The following RASA2 variants were observed in gnomAD, a reference collection of about 807,000 sequenced individuals.
RASA2 encodes the protein RAS p21 protein activator 2, also known as ras GTPase-activating protein 2.
Under a neutral mutation model 118.2 loss-of-function variants are expected in RASA2, and 155 were observed. The ratio of observed to expected loss-of-function variants is 1.31; its 90% CI spans 1.15 to 1.50. The LOEUF (loss-of-function observed/expected upper bound fraction) is 1.50, where lower values mean the gene tolerates loss of function less well. Ranked by LOEUF, RASA2 falls within the 40% of genes most tolerant of loss-of-function variation. The probability of loss-of-function intolerance (pLI) is 0.00; values close to 1 mark genes in which losing one functional copy is unlikely to be tolerated. For synonymous variants in RASA2, 353 were observed against 349.1 expected (o/e 1.01, Z -0.12); for missense variants, 1,016 against 1,009.6 (o/e 1.01, Z -0.09).
In RASA2 at chr3:141,570,965, T is replaced by TGG; in HGVS notation, c.920_921dup (p.Ser308GlyfsTer5). On this transcript the variant is annotated frameshift_variant, in exon 10 of 24. Transcript: ENST00000286364. LOFTEE classifies it high-confidence loss of function. ...AACAAGTCATCCAAAACTGATGACC[T>TGG]GGGGTCTCTTCGATTAAATATATGT... The TGG allele has an allele frequency of 6.2e-7, 1 of 1,612,430 alleles. No homozygotes were observed. The highest frequency in any genetic ancestry group is 8.5e-7 in the Non-Finnish European group (1 of 1,179,102).
At chr3:141,529,507 T>C (rs937304985) in intron 3 of RASA2, among the ~76,000 whole-genome samples, 1 of 152,156 alleles carries the variant, frequency 6.6e-6, no homozygotes, top group Non-Finnish European at 1.5e-5. Flanking sequence ...CAGACAAATG[T>C]CTGCCAAGGG....
chr3:141,534,106 T>C (rs2082295086), intron 4 of RASA2, among the ~76,000 whole-genome samples: 1 of 152,248 alleles, frequency 6.6e-6, no homozygotes, highest in African/African-American at 2.4e-5. Flanking sequence ...TGCTGGTGCC[T>C]TCTATAAATC....
intron 8 of RASA2, 126 bp downstream of exon 8, chr3:141,559,088 G>A: frequency 1.5e-6 from 1 of 653,038 alleles, no homozygotes; most frequent in East Asian, 2.9e-5. Context: ...GAAACTTAGA[G>A]GAATATGCAA....
chr3:141,538,237 T>G (rs1225978691), intron 4 of RASA2, among the ~76,000 whole-genome samples: 1 of 152,228 alleles, frequency 6.6e-6, no homozygotes, highest in Non-Finnish European at 1.5e-5. Context: ...GTTCACTGAT[T>G]TGAGTTTCTA....
chr3:141,513,344 T>C (rs13099945), intron 2 of RASA2, among the ~76,000 whole-genome samples: 1 of 151,926 alleles, frequency 6.6e-6, no homozygotes, highest in Non-Finnish European at 1.5e-5. Context: ...GAAAATACTT[T>C]AGTAGCCCAA....
chr3:141,523,324 C>T lies in RASA2; in HGVS notation c.356-6384C>T, dbSNP rs2082139113. On this transcript the variant is annotated intron_variant, in intron 3 of 23. Coordinates refer to ENST00000286364, the MANE Select transcript of RASA2 (RefSeq NM_006506.5). ...TATTTTTAGTAGAGACGAGGTTTCG[C>T]CATTTGGCCAGGCTGGTCTCAAACT... is the stretch of plus-strand genomic sequence containing the variant. Among the ~76,000 whole-genome samples, 4 of 152,172 alleles carry T rather than the reference C, an allele frequency of 2.6e-5. No homozygotes were observed. In the South Asian group the frequency reaches 8.3e-4, roughly 32 times the overall value.
At chr3:141,535,235 A>G (rs2082311193) in intron 4 of RASA2, among the ~76,000 whole-genome samples, 1 of 152,222 alleles carries the variant, frequency 6.6e-6, no homozygotes, top group African/African-American at 2.4e-5. Flanking sequence ...AGACTGCAAT[A>G]TAGTATAAAT....
intron 17 of RASA2, 127 bp downstream of exon 17, chr3:141,581,304 G>C (rs2083110228): frequency 2.5e-6 from 2 of 802,808 alleles, no homozygotes; most frequent in African/African-American, 1.8e-5. Context: ...CATCAAAAAG[G>C]CTTCCTTTTT....
chr3:141,516,967 T>C (rs143156950), intron 3 of RASA2, among the ~76,000 whole-genome samples: 2 of 152,164 alleles, frequency 1.3e-5, no homozygotes, highest in East Asian at 3.9e-4. Flanking sequence ...AGAAACAGGG[T>C]TTCACCATGT....
intron 4 of RASA2, among the ~76,000 whole-genome samples, chr3:141,537,392 T>G (rs1314135609): frequency 3.9e-5 from 6 of 152,230 alleles, no homozygotes; most frequent in Non-Finnish European, 5.9e-5. Context: ...GTTTATTGCT[T>G]AGTTCTAACT....
At chr3:141,549,486 T>TGTGTGC (rs2082540180) in intron 5 of RASA2, among the ~76,000 whole-genome samples, 1 of 129,526 alleles carries the variant, frequency 7.7e-6, no homozygotes, top group Non-Finnish European at 1.8e-5. Flanking sequence ...TGTGTGTGCG[T>TGTGTGC]GTGTGTGTGT....
rs1452388032 is a variant in RASA2 at position 141,487,076 on chromosome 3, G to C, written c.-8G>C. On this transcript the variant is annotated 5_prime_UTR_variant, in exon 1 of 24. Transcript: ENST00000286364. ...GCGGCAGGGCTGCGGCACGGGCCGGGCGGCACCATGGCGGCGGCGGCGCCT... is the reference window on the plus strand; with the variant it reads ...GCGGCAGGGCTGCGGCACGGGCCGGCCGGCACCATGGCGGCGGCGGCGCCT... The C allele has an allele frequency of 7.5e-7, 1 of 1,334,960 alleles. No individual in the cohort carries two copies. The allele number at this position is 1,334,960 out of a possible 1,614,324, so 82.7% of individuals were successfully genotyped here.
At chr3:141,600,996 C>T (rs945828936) in intron 19 of RASA2, among the ~76,000 whole-genome samples, 1 of 152,130 alleles carries the variant, frequency 6.6e-6, no homozygotes, top group Non-Finnish European at 1.5e-5. Context: ...ATAAATATGG[C>T]CAATTCCGTT....
intron 23 of RASA2, among the ~76,000 whole-genome samples, chr3:141,611,731 C>T (rs1053565531): frequency 6.6e-6 from 1 of 152,084 alleles, no homozygotes; most frequent in African/African-American, 2.4e-5. Flanking sequence ...CAATAAAAAT[C>T]AATTTGACAA....
At chr3:141,517,271 G>A (rs1448600339) in intron 3 of RASA2, among the ~76,000 whole-genome samples, 1 of 152,158 alleles carries the variant, frequency 6.6e-6, no homozygotes, top group Non-Finnish European at 1.5e-5. Context: ...ATTAGTGACT[G>A]TATTAGTCCA....
At chr3:141,502,704 T>C (rs150002835) in intron 1 of RASA2, among the ~76,000 whole-genome samples, 84 of 152,304 alleles carry the variant, frequency 5.5e-4, no homozygotes, top group Admixed American at 2.0e-3. Flanking sequence ...AATACATGTA[T>C]TAATTTATTC....
At position 141,567,765 on chromosome 3, in the gene RASA2, A is replaced by T. The variant is rs188982616; in HGVS notation, c.864-3147A>T. On this transcript the variant is annotated intron_variant, in intron 9 of 23. Transcript: ENST00000286364. ...GGAAAGACAAACTCTTCCTCAGTAT[A>T]AGTAACCAGTGCTATAAATTTGCCG... Among the ~76,000 whole-genome samples, 448 of 152,310 alleles carry T rather than the reference A, an allele frequency of 2.9e-3. 10 individuals carry two copies. The highest frequency in any genetic ancestry group is 3.5e-4 in the Non-Finnish European group (24 of 68,018).
intron 3 of RASA2, among the ~76,000 whole-genome samples, chr3:141,518,918 A>T (rs1042674483): frequency 2.0e-5 from 3 of 152,166 alleles, no homozygotes; most frequent in South Asian, 4.1e-4. Context: ...AATATTTGTT[A>T]AAACTATTTG....
chr3:141,579,422 T>A (rs2083066261), intron 15 of RASA2: 1 of 152,234 alleles, frequency 6.6e-6, no homozygotes, highest in East Asian at 1.9e-4. Context: ...TGCTACTATA[T>A]ATTACTTCTT....
Sources: gnomAD v4.1 joint callset for allele counts (sites outside exome capture counted in the v4.1 genomes callset) on GRCh38, gnomAD v4.1.1 for gene constraint, MANE v1.5 for transcripts, NCBI Gene and HGNC (gene_info 2026-07-23, HGNC 2026-07-21) for gene names.